TOM1: variants seen among roughly 807,000 people sequenced by gnomAD.
The protein encoded by TOM1 is target of myb1 membrane trafficking protein, also known as target of Myb protein 1.
In TOM1, 38 loss-of-function variants were observed where a neutral mutation model predicts 61.3. The ratio of observed to expected loss-of-function variants is 0.62; its 90% CI spans 0.48 to 0.81. The LOEUF is 0.81. Ranked by LOEUF, TOM1 falls within the 40% of genes least tolerant of loss-of-function variation. The probability of loss-of-function intolerance (pLI) is 0.00; values close to 1 mark genes in which losing one functional copy is unlikely to be tolerated. For missense variants in TOM1, 591 were observed against 659.6 expected (o/e 0.90, Z 1.14); for synonymous variants, 270 against 268.8 (o/e 1.00, Z -0.04).
At chr22:35,305,431 G>T (rs1041338568) in intron 1 of TOM1, among the ~76,000 whole-genome samples, 1 of 152,216 alleles carries the variant, frequency 6.6e-6, no homozygotes, top group South Asian at 2.1e-4. Flanking sequence ...GGAGGCCGAG[G>T]CGGGTGGATC....
chr22:35,341,160 GTCA>G (rs1460323256), intron 12 of TOM1, among the ~76,000 whole-genome samples: 1 of 152,224 alleles, frequency 6.6e-6, no homozygotes. Flanking sequence ...CTCTTAGTGA[GTCA>G]TCACAGAAAC....
At chr22:35,337,583 C>T (rs1368605737) in intron 11 of TOM1, among the ~76,000 whole-genome samples, 1 of 152,230 alleles carries the variant, frequency 6.6e-6, no homozygotes, top group African/African-American at 2.4e-5. Flanking sequence ...AAAATGACTG[C>T]GTGGGAACTG....
chr22:35,343,742 TACAC>T (rs1226840941), intron 12 of TOM1, among the ~76,000 whole-genome samples: 1 of 106,828 alleles, frequency 9.4e-6, no homozygotes, highest in Non-Finnish European at 1.9e-5. Flanking sequence ...CCACCACACC[TACAC>T]ACACACCCCT....
At chr22:35,311,545 G>A (rs191395364) in intron 1 of TOM1, among the ~76,000 whole-genome samples, 1 of 152,340 alleles carries the variant, frequency 6.6e-6, no homozygotes, top group East Asian at 1.9e-4. Context: ...ATCGAACTGA[G>A]CACCTAGGCA....
intron 1 of TOM1, among the ~76,000 whole-genome samples, chr22:35,312,537 A>G (rs908446587): frequency 1.3e-5 from 2 of 152,222 alleles, no homozygotes; most frequent in African/African-American, 2.4e-5. Context: ...CTGGCTTTGA[A>G]TCTGCTGTGC....
In TOM1 at chr22:35,327,406, C is replaced by T. The variant is rs764946156; in HGVS notation, c.765+19C>T. On this transcript the variant is annotated intron_variant, in intron 7 of 14. Transcript: ENST00000449058. ...GCTGCAGGTGAGCAGGTGGCACCAC[C>T]CCCTGGGGCTCAGATGACTCCTGCC... The T allele has an allele frequency of 2.5e-6, 4 of 1,578,404 alleles. No individual in the cohort carries two copies. Among genetic ancestry groups the T allele is most frequent in the Non-Finnish European group, 3.5e-6 (4 of 1,152,602 alleles).
At chr22:35,308,807 T>C (rs1926569538) in intron 1 of TOM1, among the ~76,000 whole-genome samples, 1 of 152,244 alleles carries the variant, frequency 6.6e-6, no homozygotes, top group Admixed American at 6.5e-5. Context: ...TGTTAGGTAC[T>C]ATAGTTAGTT....
intron 2 of TOM1, chr22:35,321,746 T>G (rs1424360699): frequency 1.5e-6 from 1 of 688,844 alleles, no homozygotes; most frequent in Admixed American, 2.0e-5. Flanking sequence ...TCAAAGTGAC[T>G]CTGCTGCTGG....
Position 35,307,410 on chromosome 22 carries a change from T to G in TOM1, c.52+7430T>G, listed in dbSNP as rs147743896. On this transcript the variant is annotated intron_variant, in intron 1 of 14. Transcript: ENST00000449058. ...CTAAAAATGTCTTTAAGTTTGCCCA[T>G]GAGCCCACCTGGCATGATCCCAGGT... Among the ~76,000 whole-genome samples, 590 of 152,340 alleles carry G rather than the reference T, an allele frequency of 3.9e-3. 3 individuals are homozygous for G. Among genetic ancestry groups the G allele is most frequent in the Non-Finnish European group, 6.6e-3 (450 of 68,024 alleles).
intron 7 of TOM1, among the ~76,000 whole-genome samples, chr22:35,328,538 C>T (rs1047143241): frequency 1.3e-5 from 2 of 152,204 alleles, no homozygotes; most frequent in Non-Finnish European, 2.9e-5. Context: ...GATTTGAACC[C>T]GGGGGCCTGG....
intron 12 of TOM1, chr22:35,344,941 C>T (rs1247890985): frequency 1.3e-5 from 2 of 152,304 alleles, no homozygotes; most frequent in Admixed American, 6.5e-5. Context: ...AAGTAACCCA[C>T]TCAGAGTCAC....
intron 1 of TOM1, among the ~76,000 whole-genome samples, chr22:35,304,547 C>T (rs970860320): frequency 5.9e-5 from 9 of 152,258 alleles, no homozygotes; most frequent in African/African-American, 9.6e-5. Flanking sequence ...GGCGCGATCT[C>T]GGCTCACTGC....
chr22:35,299,806 C>T (rs892753641), upstream of TOM1: 9 of 1,121,088 alleles, frequency 8.0e-6, no homozygotes, highest in Admixed American at 2.1e-5. Context: ...GGTCGAGCTT[C>T]GCGGTGCCAC....
intron 1 of TOM1, among the ~76,000 whole-genome samples, chr22:35,316,547 G>C (rs183826938): frequency 5.3e-5 from 8 of 152,200 alleles, no homozygotes; most frequent in Non-Finnish European, 1.0e-4. Flanking sequence ...TGCCAAGCCC[G>C]GTGCTTGCTA....
At position 35,329,207 on chromosome 22, in the gene TOM1, C is replaced by T. The variant is rs140480886; in HGVS notation, c.766-1140C>T. On this transcript the variant is annotated intron_variant, in intron 7 of 14. Transcript: ENST00000449058. The stretch of plus-strand genomic sequence containing the variant: ...CTGACCTCAGGTGATCCACCCGCCT[C>T]GGCCTCCCCAAGTGCTGGGATTATA... Among the ~76,000 whole-genome samples the T allele has an allele frequency of 2.0e-3, 311 of 152,318 alleles. 3 individuals carry two copies. The highest frequency in any genetic ancestry group is 0.014 in the East Asian group (71 of 5,182).
intron 12 of TOM1, 29 bp from the exon 13 acceptor site, chr22:35,345,696 A>G: frequency 1.2e-6 from 2 of 1,612,898 alleles, no homozygotes; most frequent in Non-Finnish European, 1.7e-6. Flanking sequence ...CACCTAGGGC[A>G]CTGCCTTACC....
At chr22:35,300,132 C>T (rs1040996793) in intron 1 of TOM1, 152 bp downstream of exon 1, 11 of 852,718 alleles carry the variant, frequency 1.3e-5, no homozygotes, top group South Asian at 3.4e-5. Context: ...GCTTTCCTCC[C>T]ACTCTTGATT....
At chr22:35,314,203 G>T (rs1927082677) in intron 1 of TOM1, among the ~76,000 whole-genome samples, 1 of 123,576 alleles carries the variant, frequency 8.1e-6, no homozygotes, top group African/African-American at 2.5e-5. Flanking sequence ...GTTGGCAAGT[G>T]ATGGTCTGGG....
intron 1 of TOM1, among the ~76,000 whole-genome samples, chr22:35,315,912 G>A (rs1281695677): frequency 6.6e-6 from 1 of 152,186 alleles, no homozygotes; most frequent in Non-Finnish European, 1.5e-5. Flanking sequence ...CCCAGTGCCT[G>A]GAACCGGCTT....
Sources: allele counts gnomAD v4.1 joint callset (sites outside exome capture counted in the v4.1 genomes callset), GRCh38; gene constraint gnomAD v4.1.1; transcripts MANE v1.5; gene names NCBI Gene and HGNC (gene_info 2026-07-23, HGNC 2026-07-21).